The following APBB2 variants were observed in gnomAD, a reference collection of about 807,000 sequenced individuals.
APBB2 encodes the protein amyloid beta precursor protein binding family B member 2, also known as Fe65-like 1.
Under a neutral mutation model 82.5 loss-of-function variants are expected in APBB2, and 38 were observed. That is an observed-to-expected ratio of 0.46 (90% CI 0.36 to 0.60). The LOEUF is 0.60. APBB2 is among the 20% of genes least tolerant of loss of function. The pLI is 0.00. For synonymous variants in APBB2, 341 were observed against 368.2 expected (o/e 0.93, Z 0.85); for missense variants, 772 against 972.3 (o/e 0.79, Z 2.74).
intron 4 of APBB2, among the ~76,000 whole-genome samples, chr4:41,064,294 A>G (rs1730920630): frequency 1.3e-5 from 2 of 152,086 alleles, no homozygotes; most frequent in Non-Finnish European, 2.9e-5. Context: ...TGCTGGGATT[A>G]CAGACTTGAG....
At chr4:40,944,765 G>T in intron 7 of APBB2, 100 bp downstream of exon 7, 1 of 1,163,940 alleles carries the variant, frequency 8.6e-7, no homozygotes, top group Non-Finnish European at 1.3e-6. Context: ...TAATCAAAAA[G>T]CTTACCTTGA....
intron 7 of APBB2, among the ~76,000 whole-genome samples, chr4:40,939,370 C>A (rs73150584): frequency 0.18 from 27,523 of 152,120 alleles, 2,537 homozygotes; most frequent in Middle Eastern, 0.24. Flanking sequence ...AGCACAGGGA[C>A]TGGCTGCCCG....
intron 15 of APBB2, 96 bp downstream of exon 15, chr4:40,825,791 G>A (rs993972771): frequency 4.0e-5 from 35 of 881,674 alleles, no homozygotes; most frequent in East Asian, 2.7e-4. Flanking sequence ...CAAGGCGTGA[G>A]AGTAAACAGC....
intron 12 of APBB2, among the ~76,000 whole-genome samples, chr4:40,851,988 T>C (rs1378885329): frequency 6.6e-6 from 1 of 152,094 alleles, no homozygotes; most frequent in Non-Finnish European, 1.5e-5. Context: ...TTGAAATACA[T>C]ATGGAACAAA....
At chr4:41,123,490 T>A (rs921022070) in intron 2 of APBB2, among the ~76,000 whole-genome samples, 2 of 152,164 alleles carry the variant, frequency 1.3e-5, no homozygotes, top group Non-Finnish European at 2.9e-5. Context: ...CCACCCTGCA[T>A]GTCAAAACCA....
chr4:40,903,795 C>T (rs1340064733), intron 10 of APBB2, among the ~76,000 whole-genome samples: 4 of 152,250 alleles, frequency 2.6e-5, no homozygotes, highest in East Asian at 1.9e-4. Context: ...ATGGTGATCC[C>T]GGCTGCTGCC....
intron 6 of APBB2, among the ~76,000 whole-genome samples, chr4:40,946,775 A>C (rs1788570098): frequency 6.6e-6 from 1 of 152,256 alleles, no homozygotes; most frequent in African/African-American, 2.4e-5. Flanking sequence ...ATACAAAAGC[A>C]ACCGGAGTGC....
rs1469698628 is a variant in APBB2, at chr4:40,892,222, AT to A, written c.1401+1042del. Among the ~76,000 whole-genome samples the A allele has an allele frequency of 2.0e-5, 3 of 152,332 alleles. No individual in the cohort carries two copies. In the East Asian group the frequency reaches 5.8e-4, roughly 29 times the overall value. ...TGCCTCGGCCTCCCAAAGTGCTGGG[AT>A]TACAGGCATAAGCCACTATGCTCAG... On this transcript the variant is annotated intron_variant, in intron 11 of 17. Transcript: ENST00000508593.
chr4:40,977,129 A>G (rs971012151), intron 6 of APBB2, among the ~76,000 whole-genome samples: 3 of 152,320 alleles, frequency 2.0e-5, no homozygotes, highest in African/African-American at 7.2e-5. Flanking sequence ...CATCTTCTTC[A>G]CATACCTCAC....
chr4:40,984,027 G>C (rs985269942), intron 6 of APBB2, among the ~76,000 whole-genome samples: 1 of 152,188 alleles, frequency 6.6e-6, no homozygotes, highest in African/African-American at 2.4e-5. Context: ...TAAAGTGCTG[G>C]GGGTGGACTA....
intron 12 of APBB2, among the ~76,000 whole-genome samples, chr4:40,851,736 ATAT>A (rs542748588): frequency 0.06 from 4,940 of 82,652 alleles, 63 homozygotes; most frequent in East Asian, 0.2. Flanking sequence ...ATATATATAT[ATAT>A]TTTTTTTTTT....
rs150722754 is a variant in APBB2, at chr4:40,911,157, T to C, written c.1255-17746A>G. 2.6e-3 allele frequency among the ~76,000 whole-genome samples: 397 copies of C among 152,296 alleles called. 3 individuals are homozygous for C. Among genetic ancestry groups the C allele is most frequent in the African/African-American group, 9.2e-3 (382 of 41,556 alleles). ...CTGTGTAGGTCCACACAGATTTTTG[T>C]CAAGCAAATGCAGATTGAAAATAGA... On this transcript the variant is annotated intron_variant, in intron 10 of 17. Transcript: ENST00000508593.
At chr4:41,160,038 A>AAGAGGAAGAAGAAG in intron 1 of APBB2, among the ~76,000 whole-genome samples, 1 of 123,200 alleles carries the variant, frequency 8.1e-6, no homozygotes, top group African/African-American at 3.4e-5. Flanking sequence ...AGAAGAAGAA[A>AAGAGGAAGAAGAAG]ACATCACAGG....
At chr4:41,000,666 C>T (rs528615654) in intron 6 of APBB2, among the ~76,000 whole-genome samples, 2 of 152,254 alleles carry the variant, frequency 1.3e-5, no homozygotes, top group Non-Finnish European at 2.9e-5. Flanking sequence ...CAGTTCCTAG[C>T]ATATAAGAGA....
intron 6 of APBB2, among the ~76,000 whole-genome samples, chr4:40,974,453 C>A (rs1796670248): frequency 6.6e-6 from 1 of 152,072 alleles, no homozygotes; most frequent in African/African-American, 2.4e-5. Context: ...CTCAAACAGA[C>A]CAACAAATCA....
At chr4:41,177,129 T>C (rs1316175060) in intron 1 of APBB2, among the ~76,000 whole-genome samples, 3 of 152,212 alleles carry the variant, frequency 2.0e-5, no homozygotes, top group Non-Finnish European at 4.4e-5. Flanking sequence ...CATTTTGTGG[T>C]TCCCATCTGT....
chr4:41,017,634 T>C (rs1289436708), intron 5 of APBB2, among the ~76,000 whole-genome samples: 1 of 148,872 alleles, frequency 6.7e-6, no homozygotes, highest in Non-Finnish European at 1.5e-5. Flanking sequence ...CTCACCACTT[T>C]GTACGAGTTT....
At chr4:41,203,023 T>C (rs962606818) in intron 1 of APBB2, among the ~76,000 whole-genome samples, 8 of 152,216 alleles carry the variant, frequency 5.3e-5, no homozygotes, top group African/African-American at 1.4e-4. Flanking sequence ...CTGTTTTCTT[T>C]ACAGGAAATA....
intron 12 of APBB2, among the ~76,000 whole-genome samples, chr4:40,870,391 C>T (rs1165804141): frequency 5.9e-5 from 9 of 152,132 alleles, no homozygotes; most frequent in African/African-American, 1.4e-4. Flanking sequence ...CAAGCTGCAT[C>T]GGGGTTCCAA....
Sources: allele counts gnomAD v4.1 joint callset (sites outside exome capture counted in the v4.1 genomes callset), GRCh38; gene constraint gnomAD v4.1.1; transcripts MANE v1.5; gene names NCBI Gene and HGNC (gene_info 2026-07-23, HGNC 2026-07-21).